Variants in TESC observed in about 807,000 individuals in gnomAD.
TESC encodes the protein calcineurin B homologous protein 3.
A neutral mutation model predicts 31.0 loss-of-function variants in TESC; 19 were observed. The observed-to-expected ratio is 0.61, with a 90% CI of 0.43 to 0.90. TESC has a LOEUF of 0.90. TESC is among the 40% of genes least tolerant of loss of function. The pLI is 0.00. For missense variants in TESC, 248 were observed against 303.8 expected, an observed-to-expected ratio of 0.82 and a Z score of 1.36; for synonymous variants, 109 against 114.8, an observed-to-expected ratio of 0.95 and a Z score of 0.32.
At chr12:117,092,338 T>C (rs11068327) in intron 1 of TESC, among the ~76,000 whole-genome samples, 44,358 of 151,954 alleles carry the variant, frequency 0.29, 6,542 homozygotes, top group Non-Finnish European at 0.31. Context: ...CGACAGATGG[T>C]GAGATGATGG....
intron 2 of TESC, among the ~76,000 whole-genome samples, chr12:117,065,325 C>T (rs570070779): frequency 6.6e-6 from 1 of 152,232 alleles, no homozygotes; most frequent in South Asian, 2.1e-4. Flanking sequence ...AGAGAAGTAG[C>T]AAATCCTGGG....
At chr12:117,074,557 A>G (rs546867799) in intron 2 of TESC, among the ~76,000 whole-genome samples, 2 of 152,176 alleles carry the variant, frequency 1.3e-5, no homozygotes, top group South Asian at 4.1e-4. Context: ...AACCCTAAAG[A>G]AGGAGAGTCA....
intron 1 of TESC, among the ~76,000 whole-genome samples, chr12:117,090,331 T>C (rs1258032702): frequency 1.3e-5 from 2 of 152,200 alleles, no homozygotes; most frequent in Non-Finnish European, 2.9e-5. Context: ...AGGGCAGAGA[T>C]GGTGATTAAG....
At chr12:117,076,841 C>A (rs767968963) in intron 1 of TESC, among the ~76,000 whole-genome samples, 3 of 152,188 alleles carry the variant, frequency 2.0e-5, no homozygotes, top group Non-Finnish European at 4.4e-5. Context: ...CAAGTCTGTG[C>A]GACTGACCCC....
intron 1 of TESC, among the ~76,000 whole-genome samples, chr12:117,077,809 G>A (rs1016664342): frequency 2.6e-5 from 4 of 152,172 alleles, no homozygotes; most frequent in Admixed American, 2.6e-4. Context: ...TGAATGGAGT[G>A]CAAAGGGGAG....
chr12:117,072,379 G>A (rs182813538), intron 2 of TESC, among the ~76,000 whole-genome samples: 8 of 152,240 alleles, frequency 5.3e-5, no homozygotes, highest in Admixed American at 3.9e-4. Flanking sequence ...CACAGTGCCC[G>A]GCCGACTGCT....
chr12:117,056,691 T>TAG, intron 3 of TESC, 115 bp downstream of exon 3: 1 of 1,140,136 alleles, frequency 8.8e-7, no homozygotes, highest in Middle Eastern at 2.5e-4. Flanking sequence ...CCTACCCAGC[T>TAG]TGGCCCCCTC....
chr12:117,075,873 GTGTATATA>G (rs1175280664), intron 1 of TESC, among the ~76,000 whole-genome samples: 2 of 22,220 alleles, frequency 9.0e-5, no homozygotes, highest in Admixed American at 1.1e-3. Context: ...ATATATATGT[GTGTATATA>G]TATATATATA....
intron 3 of TESC, 69 bp downstream of exon 3, chr12:117,056,737 C>T (rs1954729767): frequency 2.3e-5 from 35 of 1,521,242 alleles, no homozygotes; most frequent in Non-Finnish European, 3.1e-5. Context: ...TTCTAGGAAA[C>T]AAGTATCCCG....
intron 2 of TESC, among the ~76,000 whole-genome samples, chr12:117,067,072 T>C (rs914947509): frequency 6.6e-6 from 1 of 152,182 alleles, no homozygotes; most frequent in Admixed American, 6.5e-5. Flanking sequence ...TCCAGCTGCC[T>C]CACGCCCGCT....
intron 1 of TESC, among the ~76,000 whole-genome samples, chr12:117,097,750 C>T (rs1308866721): frequency 6.6e-6 from 1 of 152,146 alleles, no homozygotes; most frequent in Non-Finnish European, 1.5e-5. Flanking sequence ...ACTCCCCCCG[C>T]AACCCCCACC....
chr12:117,081,623 G>T (rs1955148937), intron 1 of TESC, among the ~76,000 whole-genome samples: 1 of 152,204 alleles, frequency 6.6e-6, no homozygotes, highest in South Asian at 2.1e-4. Context: ...AAACTGGGGG[G>T]CTGGGTGTGG....
intron 7 of TESC, among the ~76,000 whole-genome samples, chr12:117,041,658 C>T (rs1031196893): frequency 3.3e-5 from 5 of 152,196 alleles, no homozygotes; most frequent in Non-Finnish European, 5.9e-5. Flanking sequence ...TTCTGAGAAG[C>T]GGCAGTGGGA....
At chr12:117,040,130 C>G (rs1162639295) in intron 7 of TESC, among the ~76,000 whole-genome samples, 2 of 152,238 alleles carry the variant, frequency 1.3e-5, no homozygotes, top group Non-Finnish European at 2.9e-5. Context: ...CCGTGGGCAC[C>G]CAGGCGACAG....
At chr12:117,044,846 G>A (rs113485202) in intron 6 of TESC, among the ~76,000 whole-genome samples, 10,981 of 152,174 alleles carry the variant, frequency 0.072, 1,040 homozygotes, top group African/African-American at 0.22. Context: ...GCAGTGAGCC[G>A]AGATGGTGCT....
intron 1 of TESC, among the ~76,000 whole-genome samples, chr12:117,086,080 A>C (rs1955216086): frequency 6.6e-6 from 1 of 151,808 alleles, no homozygotes; most frequent in African/African-American, 2.4e-5. Context: ...GAAATGCCCC[A>C]GACAGGCAGA....
chr12:117,092,598 C>T (rs565872050), intron 1 of TESC, among the ~76,000 whole-genome samples: 4 of 152,190 alleles, frequency 2.6e-5, no homozygotes, highest in South Asian at 2.1e-4. Context: ...GGTCTCCCCC[C>T]GCCCCAGAGC....
At chr12:117,047,903 C>T (rs1301346098) in intron 4 of TESC, among the ~76,000 whole-genome samples, 2 of 152,140 alleles carry the variant, frequency 1.3e-5, no homozygotes, top group South Asian at 2.1e-4. Flanking sequence ...ACCACTATGC[C>T]GTGCTCATTT....
intron 2 of TESC, among the ~76,000 whole-genome samples, chr12:117,064,081 C>T (rs900147011): frequency 6.6e-6 from 1 of 152,068 alleles, no homozygotes; most frequent in Non-Finnish European, 1.5e-5. Flanking sequence ...TGTACCACCA[C>T]ACCCAATTTA....
Sources: gnomAD v4.1 joint callset for allele counts (sites outside exome capture counted in the v4.1 genomes callset) on GRCh38, gnomAD v4.1.1 for gene constraint, MANE v1.5 for transcripts, NCBI Gene and HGNC (gene_info 2026-07-23, HGNC 2026-07-21) for gene names.